XKR5: variants seen among roughly 807,000 people sequenced by gnomAD.
The protein encoded by XKR5 is XK related 5.
XKR5 carries 46 observed loss-of-function variants against 40.8 expected under a neutral mutation model. The observed-to-expected ratio is 1.13, with a 90% CI of 0.89 to 1.44. The LOEUF is 1.44. Ranked by LOEUF, XKR5 falls within the 40% of genes most tolerant of loss-of-function variation. The pLI is 0.00. For missense variants in XKR5, 1,169 were observed against 844.7 expected (o/e 1.38, Z -4.76); for synonymous variants, 466 against 356.1 (o/e 1.31, Z -3.48).
At position 6,811,530 on chromosome 8, in the gene XKR5, G is replaced by GGC; in HGVS notation, c.1727_1728dup (p.Pro577AlafsTer27). 1.3e-6 allele frequency: 2 copies of GGC among 1,533,880 alleles called. No individual in the cohort carries two copies. Among genetic ancestry groups the GGC allele is most frequent in the Non-Finnish European group, 1.7e-6 (2 of 1,145,038 alleles). ...GGGTGGGGCGATGCAGGCTGGGCAG[G>GGC]GCTGCTCTTTCCCAGCCTCCTTCCA... is the stretch of plus-strand genomic sequence containing the variant. On this transcript the variant is annotated frameshift_variant, in exon 7 of 7. Coordinates refer to ENST00000618742, the MANE Select transcript of XKR5 (RefSeq NM_207411.5). LOFTEE classifies it low-confidence loss of function (END_TRUNC).
At position 6,822,068 on chromosome 8, in the gene XKR5, G is replaced by T. The variant is rs768272740; in HGVS notation, c.638-30C>A. ...AGAGAAGCCGGGTGCAGACGTCAGG[G>T]TCCATGCAAGGAGATGGGGGGACAG... On this transcript the variant is annotated intron_variant, in intron 4 of 6. Transcript: ENST00000618742. 12 of 1,578,306 alleles carry T rather than the reference G, an allele frequency of 7.6e-6. No individual in the cohort carries two copies. The African/African-American group carries it at 1.2e-4, about 16-fold the overall frequency.
intron 6 of XKR5, among the ~76,000 whole-genome samples, chr8:6,814,829 C>A (rs1218430015): frequency 1.3e-5 from 2 of 152,170 alleles, no homozygotes; most frequent in Admixed American, 1.3e-4. Context: ...ATTTCTCTGA[C>A]CCGTGAACAG....
intron 2 of XKR5, among the ~76,000 whole-genome samples, chr8:6,831,820 G>C (rs950154864): frequency 1.3e-5 from 2 of 152,044 alleles, no homozygotes; most frequent in African/African-American, 4.8e-5. Context: ...CCGAGACGAT[G>C]CTGGCTAACC....
chr8:6,824,593 C>A (rs1804376955), intron 3 of XKR5, among the ~76,000 whole-genome samples: 1 of 152,116 alleles, frequency 6.6e-6, no homozygotes, highest in South Asian at 2.1e-4. Context: ...TGCAGTGATG[C>A]AATCATGACT....
Position 6,810,413 on chromosome 8 carries a change from G to GA in XKR5, c.*784dup, listed in dbSNP as rs1395450739. 8 of 152,310 alleles carry GA rather than the reference G, an allele frequency of 5.3e-5. No individual in the cohort carries two copies. The highest frequency in any genetic ancestry group is 1.9e-4 in the African/African-American group (8 of 41,438). The allele number at this position is 152,310 out of a possible 1,614,324, so 9.4% of individuals were successfully genotyped here. The stretch of plus-strand genomic sequence containing the variant: ...GGGAACAAAGCTTGGACATAAAGGA[G>GA]ATGGGGTGGAAAGCAGCAGTGGGAG... On this transcript the variant is annotated 3_prime_UTR_variant, in exon 7 of 7. Transcript: ENST00000618742.
chr8:6,834,933 C>A (rs946139138), intron 1 of XKR5, among the ~76,000 whole-genome samples: 5 of 152,182 alleles, frequency 3.3e-5, no homozygotes, highest in African/African-American at 1.2e-4. Context: ...ATGCGGAGCC[C>A]TGTCCCCCTC....
Position 6,830,196 on chromosome 8 carries a change from C to A in XKR5, c.242+2521G>T, listed in dbSNP as rs542536795. The stretch of plus-strand genomic sequence containing the variant: ...TTACTGGATTCTCAGTTAGCAGATT[C>A]TTTTGTATTTTGTGATGAGGACACT... On this transcript the variant is annotated intron_variant, in intron 2 of 6. Transcript: ENST00000618742. 7.9e-5 allele frequency among the ~76,000 whole-genome samples: 12 copies of A among 152,288 alleles called. No homozygotes were observed. In the South Asian group the frequency reaches 2.1e-3, roughly 26 times the overall value.
rs1358087125 is a variant in XKR5, at chr8:6,811,315, C to T, written c.1944G>A (p.Leu648=). ...GCTCATGGGCAGTCCTCAGCTGTGG[C>T]AATGACACCCACACACCAACAGCTG... is the stretch of plus-strand genomic sequence containing the variant. ...HHAAVGVWVS[L]PQLRTAHEPC... The change falls in exon 7 of 7, where the codon TTG becomes TTA. Residue 648 remains leucine, a synonymous_variant. Coordinates refer to ENST00000618742, the MANE Select transcript of XKR5 (RefSeq NM_207411.5). The T allele has an allele frequency of 6.5e-7, 1 of 1,537,318 alleles. No homozygotes were observed. The highest frequency in any genetic ancestry group is 8.7e-7 in the Non-Finnish European group (1 of 1,146,938).
intron 2 of XKR5, among the ~76,000 whole-genome samples, chr8:6,831,768 C>G (rs570350823): frequency 5.3e-5 from 8 of 152,160 alleles, no homozygotes; most frequent in Non-Finnish European, 1.0e-4. Context: ...GTAATCCCAG[C>G]ACTTTGGGAG....
At position 6,811,966 on chromosome 8, in the gene XKR5, A is replaced by G; in HGVS notation, c.1293T>C (p.Tyr431=). 1 of 1,537,326 alleles carries G rather than the reference A, an allele frequency of 6.5e-7. No individual in the cohort carries two copies. Among genetic ancestry groups the G allele is most frequent in the Non-Finnish European group, 8.7e-7 (1 of 1,146,934 alleles). Residue 431 remains tyrosine (Y), a synonymous_variant, in exon 7 of 7, where the codon TAT becomes TAC. Coordinates refer to ENST00000618742, the MANE Select transcript of XKR5 (RefSeq NM_207411.5). ...GACTCAACCCCCATGCAGGTGGACA[A>G]TAGGCAGGACTGTTATCTCCAAAGG... is the stretch of plus-strand genomic sequence containing the variant. The part of the protein sequence containing the change: ...NAAFGDNSPA[Y]CPPAWGLSQQ...
chr8:6,817,301 G>A (rs117441821), intron 5 of XKR5, among the ~76,000 whole-genome samples: 1 of 152,210 alleles, frequency 6.6e-6, no homozygotes, highest in Non-Finnish European at 1.5e-5. Flanking sequence ...TCTCAACAGA[G>A]CAGATGGTCC....
At position 6,827,582 on chromosome 8, in the gene XKR5, G is replaced by A. The variant is rs540749073; in HGVS notation, c.243-2233C>T. ...TCCTGGAGTGAACCCATTTCTTACT[G>A]TGTCTTGATTCCTGACATAAACTTA... On this transcript the variant is annotated intron_variant, in intron 2 of 6. Coordinates refer to ENST00000618742, the MANE Select transcript of XKR5 (RefSeq NM_207411.5). 2.6e-5 allele frequency among the ~76,000 whole-genome samples: 4 copies of A among 152,190 alleles called. No homozygotes were observed. In the South Asian group the frequency reaches 8.3e-4, roughly 31 times the overall value.
chr8:6,833,453 C>G (rs994077004), intron 1 of XKR5, among the ~76,000 whole-genome samples: 3 of 152,030 alleles, frequency 2.0e-5, no homozygotes, highest in African/African-American at 7.3e-5. Context: ...GTGGCCACAC[C>G]TAATTATCTC....
rs1803749902 is a variant in XKR5 at position 6,812,159 on chromosome 8, G to GC, written c.1099dup (p.Ala367GlyfsTer4). The GC allele has an allele frequency of 1.9e-6, 3 of 1,551,436 alleles. No homozygotes were observed. The highest frequency in any genetic ancestry group is 3.3e-4 in the Middle Eastern group (2 of 6,014). ...CCCTAAAATGGTTGGTTCATAACTT[G>GC]CCCCTTGGCATGAGCCTGAGCTCTC... is the stretch of plus-strand genomic sequence containing the variant. On this transcript the variant is annotated frameshift_variant, in exon 7 of 7. Coordinates refer to ENST00000618742, the MANE Select transcript of XKR5 (RefSeq NM_207411.5). LOFTEE classifies it low-confidence loss of function (END_TRUNC).
intron 2 of XKR5, among the ~76,000 whole-genome samples, chr8:6,826,087 T>C (rs1804462725): frequency 1.3e-5 from 2 of 152,194 alleles, no homozygotes; most frequent in African/African-American, 4.8e-5. Context: ...TGTATGTGTA[T>C]GTGCATGTGC....
At chr8:6,819,350 G>C (rs576792276) in intron 5 of XKR5, among the ~76,000 whole-genome samples, 3 of 152,354 alleles carry the variant, frequency 2.0e-5, no homozygotes, top group African/African-American at 7.2e-5. Context: ...TGTGCCAGCA[G>C]GGTGCACATC....
chr8:6,809,141 T>G lies in XKR5; in HGVS notation c.*2057A>C, dbSNP rs1328836887. 2.6e-5 allele frequency: 4 copies of G among 152,236 alleles called. No individual in the cohort carries two copies. Among genetic ancestry groups the G allele is most frequent in the Admixed American group, 6.6e-5 (1 of 15,256 alleles). 9.4% of individuals were successfully genotyped at this position (152,236 alleles called of 1,614,324 possible). On this transcript the variant is annotated 3_prime_UTR_variant, in exon 7 of 7. Coordinates refer to ENST00000618742, the MANE Select transcript of XKR5 (RefSeq NM_207411.5). Reference sequence around the variant, plus strand: ...CAGGAAGGCACCAAGAGGAGATGTTTGAGTGGAGTCTTGGAGGACAAATGG... The same window carrying G: ...CAGGAAGGCACCAAGAGGAGATGTTGGAGTGGAGTCTTGGAGGACAAATGG...
intron 2 of XKR5, among the ~76,000 whole-genome samples, chr8:6,831,558 C>G (rs978363708): frequency 3.3e-5 from 5 of 152,128 alleles, no homozygotes; most frequent in African/African-American, 1.2e-4. Flanking sequence ...TTCAGTGCCT[C>G]CGGAGAAAGT....
chr8:6,828,960 G>T (rs1804638739), intron 2 of XKR5, among the ~76,000 whole-genome samples: 1 of 152,098 alleles, frequency 6.6e-6, no homozygotes, highest in Admixed American at 6.5e-5. Context: ...CACCACTTCT[G>T]GCACGCATCT....
Sources: gnomAD v4.1 joint callset for allele counts (sites outside exome capture counted in the v4.1 genomes callset) on GRCh38, gnomAD v4.1.1 for gene constraint, MANE v1.5 for transcripts, NCBI Gene and HGNC (gene_info 2026-07-23, HGNC 2026-07-21) for gene names.